THAP8: variants seen among roughly 807,000 people sequenced by gnomAD.
THAP8 encodes THAP domain containing 8, also known as THAP domain-containing protein 8.
THAP8 carries 24 observed loss-of-function variants against 25.0 expected under a neutral mutation model. The ratio of observed to expected loss-of-function variants is 0.96; its 90% CI spans 0.69 to 1.35. The LOEUF (loss-of-function observed/expected upper bound fraction) is 1.35. Among genes scored for constraint, THAP8 ranks in the 40% most tolerant of loss-of-function variants. The probability of loss-of-function intolerance (pLI) is 0.00; values close to 1 mark genes in which losing one functional copy is unlikely to be tolerated. For synonymous variants in THAP8, 169 were observed against 157.6 expected, an observed-to-expected ratio of 1.07 and a Z score of -0.54; for missense variants, 399 against 368.8, an observed-to-expected ratio of 1.08 and a Z score of -0.67.
intron 1 of THAP8, among the ~76,000 whole-genome samples, chr19:36,052,392 C>T (rs1462156207): frequency 6.6e-6 from 1 of 152,188 alleles, no homozygotes; most frequent in Admixed American, 6.5e-5. Flanking sequence ...TGAAGCGTTT[C>T]ATCCCAAAAC....
At chr19:36,053,278 G>C (rs1203445527) in intron 1 of THAP8, among the ~76,000 whole-genome samples, 1 of 144,292 alleles carries the variant, frequency 6.9e-6, no homozygotes, top group Non-Finnish European at 1.5e-5. Context: ...ATGTTGGCCA[G>C]GCTGGTCTCG....
intron 1 of THAP8, among the ~76,000 whole-genome samples, chr19:36,052,279 G>A (rs538641647): frequency 4.6e-5 from 7 of 152,208 alleles, no homozygotes; most frequent in Admixed American, 2.6e-4. Context: ...TCCTGACCTC[G>A]TGATCTGCCC....
intron 1 of THAP8, among the ~76,000 whole-genome samples, chr19:36,045,244 C>T (rs758175647): frequency 6.6e-6 from 1 of 151,752 alleles, no homozygotes; most frequent in Non-Finnish European, 1.5e-5. Context: ...CCCGCCACCA[C>T]GTCCGGCTAA....
At chr19:36,045,912 A>C (rs184051643) in intron 1 of THAP8, 1 of 456,516 alleles carries the variant, frequency 2.2e-6, no homozygotes, top group Non-Finnish European at 4.4e-6. Flanking sequence ...AACTGTTAGA[A>C]AATAATTTGT....
In THAP8 at chr19:36,054,124, G is replaced by C. The variant is rs200208926; in HGVS notation, c.83+11C>G. The stretch of plus-strand genomic sequence containing the variant: ...CCGCCTCCCTCAAGCCCCGCCCCGC[G>C]CTGCGCTCACTTGTAGAAGCTCACA... On this transcript the variant is annotated intron_variant, in intron 1 of 3. Transcript: ENST00000292894. 2 of 1,611,184 alleles carry C rather than the reference G, an allele frequency of 1.2e-6. No homozygotes were observed. Among genetic ancestry groups the C allele is most frequent in the African/African-American group, 2.7e-5 (2 of 74,738 alleles).
At chr19:36,039,881 G>A in intron 2 of THAP8, 63 bp downstream of exon 2, 1 of 1,605,586 alleles carries the variant, frequency 6.2e-7, no homozygotes, top group Non-Finnish European at 8.5e-7. Context: ...CTCAAGGAGG[G>A]ACTTCCCTTA....
chr19:36,046,566 C>G (rs1969888323), intron 1 of THAP8, among the ~76,000 whole-genome samples: 1 of 152,240 alleles, frequency 6.6e-6, no homozygotes, highest in African/African-American at 2.4e-5. Flanking sequence ...AGCAGTGGCA[C>G]CCAGAGAGCA....
intron 1 of THAP8, 115 bp downstream of exon 1, chr19:36,054,020 C>T (rs1970188384): frequency 8.4e-7 from 1 of 1,195,586 alleles, no homozygotes; most frequent in Non-Finnish European, 1.2e-6. Context: ...TGGTTTAACC[C>T]CACTTCCTAA....
intron 3 of THAP8, among the ~76,000 whole-genome samples, chr19:36,037,628 TATA>T (rs1335097290): frequency 6.6e-6 from 1 of 152,052 alleles, no homozygotes; most frequent in African/African-American, 2.4e-5. Flanking sequence ...GTATTAAGAT[TATA>T]ATGAGGTTTT....
intron 1 of THAP8, chr19:36,045,943 T>G (rs1224685852): frequency 4.4e-6 from 2 of 453,752 alleles, no homozygotes; most frequent in Non-Finnish European, 8.9e-6. Context: ...GCCACCAAGT[T>G]TGTTAGAGCA....
chr19:36,054,185 G>A lies in THAP8; in HGVS notation c.33C>T (p.Ser11=), dbSNP rs1015234239. 1 of 1,613,754 alleles carries A rather than the reference G, an allele frequency of 6.2e-7. No individual in the cohort carries two copies. Among genetic ancestry groups the A allele is most frequent in the Admixed American group, 1.7e-5 (1 of 59,994 alleles). Residue 11 remains serine (S), a synonymous_variant, in exon 1 of 4, where the codon TCC becomes TCT. Coordinates refer to ENST00000292894, the MANE Select transcript of THAP8 (RefSeq NM_152658.3). The part of the protein sequence containing the change: MPKYCRAPNC[S]NTAGRLGADN... ...CTGCACCCAGGCGGCCCGCAGTGTT[G>A]GAGCAGTTCGGCGCCCTGCAGTACT...
chr19:36,041,147 C>CAA (rs748148358), intron 1 of THAP8, among the ~76,000 whole-genome samples: 5 of 106,298 alleles, frequency 4.7e-5, no homozygotes, highest in African/African-American at 1.0e-4. Flanking sequence ...CTCGACTCTA[C>CAA]AAAAAAAAAA....
chr19:36,046,004 A>G (rs559453873), intron 1 of THAP8: 3 of 389,188 alleles, frequency 7.7e-6, no homozygotes, highest in South Asian at 5.8e-5. Flanking sequence ...TGTCTTTCAC[A>G]TTTGCTGGTA....
intron 1 of THAP8, among the ~76,000 whole-genome samples, chr19:36,050,118 A>T (rs7245686): frequency 0.011 from 1,719 of 150,930 alleles, 31 homozygotes; most frequent in African/African-American, 0.038. Flanking sequence ...ATGTGATGAG[A>T]AGTAGTCTGG....
intron 1 of THAP8, among the ~76,000 whole-genome samples, chr19:36,043,891 A>G (rs534382466): frequency 2.6e-5 from 4 of 152,152 alleles, no homozygotes; most frequent in Non-Finnish European, 4.4e-5. Context: ...CCATCTCAAA[A>G]AAAAATTTTT....
chr19:36,044,338 C>T (rs1023870795), intron 1 of THAP8, among the ~76,000 whole-genome samples: 1 of 152,094 alleles, frequency 6.6e-6, no homozygotes, highest in Non-Finnish European at 1.5e-5. Context: ...CCAATTTTAA[C>T]TATTAAACAA....
intron 1 of THAP8, chr19:36,045,840 T>C (rs1274518184): frequency 2.0e-5 from 9 of 456,214 alleles, no homozygotes; most frequent in Non-Finnish European, 3.5e-5. Flanking sequence ...TCCAGAGGAG[T>C]ACAGCCCTGC....
intron 1 of THAP8, among the ~76,000 whole-genome samples, chr19:36,041,138 T>C (rs1054609128): frequency 3.4e-5 from 5 of 147,998 alleles, no homozygotes; most frequent in Admixed American, 6.8e-5. Context: ...TAGGGAGACC[T>C]CGACTCTACA....
chr19:36,035,798 A>C (rs960482870), intron 3 of THAP8, among the ~76,000 whole-genome samples: 1 of 151,730 alleles, frequency 6.6e-6, no homozygotes, highest in Non-Finnish European at 1.5e-5. Context: ...AGGGTGGGGA[A>C]ATGGGAAGAG....
Sources: allele counts gnomAD v4.1 joint callset (sites outside exome capture counted in the v4.1 genomes callset), GRCh38; gene constraint gnomAD v4.1.1; transcripts MANE v1.5; gene names NCBI Gene and HGNC (gene_info 2026-07-23, HGNC 2026-07-21).